The following DYM variants were observed in gnomAD, a reference collection of about 807,000 sequenced individuals.
DYM encodes the protein dymeclin, also known as dyggve-Melchior-Clausen syndrome protein.
A neutral mutation model predicts 93.1 loss-of-function variants in DYM; 78 were observed. The observed-to-expected ratio is 0.84, with a 90% CI of 0.70 to 1.01. The LOEUF is 1.01. DYM is among the 50% of genes least tolerant of loss of function. DYM has a pLI of 0.00. For missense variants in DYM, 789 were observed against 845.0 expected (o/e 0.93, Z 0.82); for synonymous variants, 321 against 319.7 (o/e 1.00, Z -0.04).
At chr18:49,292,339 GAC>G (rs2060176274) in intron 8 of DYM, among the ~76,000 whole-genome samples, 1 of 93,476 alleles carries the variant, frequency 1.1e-5, no homozygotes, top group Non-Finnish European at 2.2e-5. Flanking sequence ...CAGGCAGGCA[GAC>G]AGACAGACAG....
intron 14 of DYM, among the ~76,000 whole-genome samples, chr18:49,172,716 G>A (rs1431818983): frequency 6.6e-6 from 1 of 151,896 alleles, no homozygotes; most frequent in East Asian, 1.9e-4. Flanking sequence ...GTGGTAGTGG[G>A]GCAGTTTGTC....
chr18:49,187,096 T>A lies in DYM; in HGVS notation c.1625+22455A>T, dbSNP rs562111036. ...CACCACACCCAGCTAATTTTTTGTA[T>A]GTTTAGTAGAGGCGGGGTTTCACTG... On this transcript the variant is annotated intron_variant, in intron 14 of 17. Coordinates refer to ENST00000675505, the MANE Select transcript of DYM (RefSeq NM_001353214.3). Among the ~76,000 whole-genome samples, 10 of 152,202 alleles carry A rather than the reference T, an allele frequency of 6.6e-5. No individual in the cohort carries two copies. In the East Asian group the frequency reaches 1.2e-3, roughly 18 times the overall value.
chr18:49,450,556 A>T (rs951344551), intron 1 of DYM, among the ~76,000 whole-genome samples: 3 of 152,230 alleles, frequency 2.0e-5, no homozygotes, highest in African/African-American at 7.2e-5. Context: ...TTCAAGTTTC[A>T]AAATTGTCCT....
Position 49,441,090 on chromosome 18 carries a change from TA to T in DYM, c.-53-10644del, listed in dbSNP as rs1381696395. On this transcript the variant is annotated intron_variant, in intron 1 of 17. Transcript: ENST00000675505. ...TATATATAAATATTATATTATATATTATATATAAATATATATTAATATAAAT... is the reference window on the plus strand; with the variant it reads ...TATATATAAATATTATATTATATATTTATATAAATATATATTAATATAAAT... Among the ~76,000 whole-genome samples the T allele has an allele frequency of 1.2e-3, 10 of 8,638 alleles. 1 individual carries two copies. Among genetic ancestry groups the T allele is most frequent in the African/African-American group, 2.9e-3 (10 of 3,460 alleles). The allele number at this position is 8,638 out of a possible 152,430, so 5.7% of individuals were successfully genotyped here. A position where few individuals can be genotyped will look rare whatever the true frequency, so the allele number is the denominator to read the frequency against.
At chr18:49,454,583 C>G (rs2082810158) in intron 1 of DYM, among the ~76,000 whole-genome samples, 1 of 152,076 alleles carries the variant, frequency 6.6e-6, no homozygotes, top group African/African-American at 2.4e-5. Context: ...CTATGTAAAT[C>G]AGACACTGCC....
intron 13 of DYM, among the ~76,000 whole-genome samples, chr18:49,239,551 A>G (rs2093963435): frequency 6.6e-6 from 1 of 152,218 alleles, no homozygotes; most frequent in East Asian, 1.9e-4. Flanking sequence ...GCTAGGCCAT[A>G]AGAAACCTTA....
chr18:49,404,809 G>A (rs1391500055), intron 2 of DYM, among the ~76,000 whole-genome samples: 2 of 152,082 alleles, frequency 1.3e-5, no homozygotes, highest in African/African-American at 4.8e-5. Flanking sequence ...CACGAGGTCA[G>A]GAGTTCGAGA....
intron 13 of DYM, among the ~76,000 whole-genome samples, chr18:49,217,634 A>G (rs2093138538): frequency 1.3e-5 from 2 of 152,220 alleles, no homozygotes; most frequent in Admixed American, 6.5e-5. Flanking sequence ...TCAACCCAGA[A>G]TTTCATATCC....
intron 13 of DYM, among the ~76,000 whole-genome samples, chr18:49,216,556 C>A (rs1311749494): frequency 6.6e-6 from 1 of 152,170 alleles, no homozygotes; most frequent in Non-Finnish European, 1.5e-5. Context: ...TCAGACAAAA[C>A]TTCCAGAGGA....
intron 2 of DYM, among the ~76,000 whole-genome samples, chr18:49,424,910 A>T (rs985958781): frequency 1.3e-4 from 20 of 152,310 alleles, no homozygotes; most frequent in African/African-American, 4.8e-4. Context: ...AAACAAATGG[A>T]AGAACATTCC....
intron 14 of DYM, among the ~76,000 whole-genome samples, chr18:49,166,465 T>C (rs1433689857): frequency 6.6e-6 from 1 of 152,118 alleles, no homozygotes; most frequent in East Asian, 1.9e-4. Flanking sequence ...TGTAAATAAG[T>C]TTTAGCATGC....
In DYM at chr18:49,038,451, A is replaced by G. The variant is rs2070784235; in HGVS notation, c.*5604T>C. Reference sequence around the variant, plus strand: ...TATTTCTTAAAAAAATTATTGCCTTAAAGTTTACTTAAATATATCTACACC... The same window carrying G: ...TATTTCTTAAAAAAATTATTGCCTTGAAGTTTACTTAAATATATCTACACC... On this transcript the variant is annotated 3_prime_UTR_variant, in exon 18 of 18. Transcript: ENST00000675505. Among the ~76,000 whole-genome samples the G allele has an allele frequency of 6.6e-6, 1 of 152,308 alleles. No homozygotes were observed. The highest frequency in any genetic ancestry group is 1.9e-4 in the East Asian group (1 of 5,190).
chr18:49,123,760 C>A, intron 15 of DYM, among the ~76,000 whole-genome samples: 1 of 152,182 alleles, frequency 6.6e-6, no homozygotes, highest in East Asian at 1.9e-4. Context: ...AAATTTGGAA[C>A]TAACAAGATA....
At chr18:49,184,185 G>C (rs2090203124) in intron 14 of DYM, among the ~76,000 whole-genome samples, 1 of 152,074 alleles carries the variant, frequency 6.6e-6, no homozygotes, top group Non-Finnish European at 1.5e-5. Context: ...GGGCTCTTGG[G>C]TCTCCAGTAG....
intron 17 of DYM, among the ~76,000 whole-genome samples, chr18:49,059,991 T>G (rs1347557396): frequency 6.6e-6 from 1 of 152,150 alleles, no homozygotes; most frequent in African/African-American, 2.4e-5. Context: ...AATTATAGGG[T>G]GACGTTTTGT....
chr18:49,107,994 G>A (rs1251833497), intron 16 of DYM, among the ~76,000 whole-genome samples: 1 of 152,220 alleles, frequency 6.6e-6, no homozygotes, highest in Non-Finnish European at 1.5e-5. Flanking sequence ...GCAATGCCCT[G>A]CCCCAAGACG....
intron 1 of DYM, among the ~76,000 whole-genome samples, chr18:49,449,973 A>G (rs2082386537): frequency 2.0e-5 from 3 of 152,350 alleles, no homozygotes; most frequent in South Asian, 4.1e-4. Flanking sequence ...TGAGATCTCT[A>G]AAGTTTTATA....
chr18:49,202,296 C>A (rs1194607430), intron 14 of DYM, among the ~76,000 whole-genome samples: 1 of 152,226 alleles, frequency 6.6e-6, no homozygotes, highest in African/African-American at 2.4e-5. Context: ...TGGAACACAA[C>A]AGAAAAGAAC....
At chr18:49,110,506 A>G (rs1228991193) in intron 16 of DYM, among the ~76,000 whole-genome samples, 1 of 151,068 alleles carries the variant, frequency 6.6e-6, no homozygotes, top group Non-Finnish European at 1.5e-5. Context: ...TTTTCATTTT[A>G]GCCTTATAAA....
Sources: gnomAD v4.1 joint callset for allele counts (sites outside exome capture counted in the v4.1 genomes callset) on GRCh38, gnomAD v4.1.1 for gene constraint, MANE v1.5 for transcripts, NCBI Gene and HGNC (gene_info 2026-07-23, HGNC 2026-07-21) for gene names.